The following SIM2 variants were observed in gnomAD, a reference collection of about 807,000 sequenced individuals.
The protein encoded by SIM2 is single-minded homolog 2.
SIM2 carries 28 observed loss-of-function variants against 64.8 expected under a neutral mutation model. The ratio of observed to expected loss-of-function variants is 0.43; its 90% CI spans 0.32 to 0.59. The LOEUF (loss-of-function observed/expected upper bound fraction) is 0.59, where lower values mean the gene tolerates loss of function less well. Ranked by LOEUF, SIM2 falls within the 20% of genes least tolerant of loss-of-function variation. The pLI is 0.07. For synonymous variants in SIM2, 408 were observed against 391.1 expected, an observed-to-expected ratio of 1.04 and a Z score of -0.51; for missense variants, 847 against 871.4, an observed-to-expected ratio of 0.97 and a Z score of 0.35.
chr21:36,739,553 C>A (rs1161145500), intron 7 of SIM2, among the ~76,000 whole-genome samples: 2 of 152,144 alleles, frequency 1.3e-5, no homozygotes, highest in Non-Finnish European at 2.9e-5. Context: ...CCCCTTTTCC[C>A]TGAATTTTCA....
intron 7 of SIM2, among the ~76,000 whole-genome samples, chr21:36,739,489 T>C (rs2089126105): frequency 1.3e-5 from 2 of 152,236 alleles, no homozygotes; most frequent in Non-Finnish European, 2.9e-5. Flanking sequence ...CTGCATAGTT[T>C]GCCATAATGT....
chr21:36,719,695 G>A, intron 3 of SIM2, 126 bp from the exon 4 acceptor site: 1 of 664,692 alleles, frequency 1.5e-6, no homozygotes, highest in Non-Finnish European at 2.8e-6. Flanking sequence ...TGGCAAAGGT[G>A]TGGGTTGTCA....
chr21:36,707,337 G>T (rs1183369394), intron 1 of SIM2, among the ~76,000 whole-genome samples: 1 of 152,196 alleles, frequency 6.6e-6, no homozygotes, highest in African/African-American at 2.4e-5. Context: ...GGAAGGACCC[G>T]CTGGTGAGAG....
intron 3 of SIM2, among the ~76,000 whole-genome samples, chr21:36,719,305 A>C (rs2088788737): frequency 6.6e-6 from 1 of 152,256 alleles, no homozygotes; most frequent in Admixed American, 6.5e-5. Flanking sequence ...GTCTGAGTTC[A>C]TGTCCTCCTC....
chr21:36,726,446 A>T lies in SIM2; in HGVS notation c.743+128A>T. 1 of 752,320 alleles carries T rather than the reference A, an allele frequency of 1.3e-6. No homozygotes were observed. The highest frequency in any genetic ancestry group is 2.1e-6 in the Non-Finnish European group (1 of 469,574). 46.6% of individuals were successfully genotyped at this position (752,320 alleles called of 1,614,324 possible). A position where few individuals can be genotyped will look rare whatever the true frequency, so the allele number is the denominator to read the frequency against. On this transcript the variant is annotated intron_variant, in intron 6 of 10. Coordinates refer to ENST00000290399, the MANE Select transcript of SIM2 (RefSeq NM_005069.6). This position sits in a 1 kb window ranked among gnomAD's most constrained non-coding sequence, Gnocchi z 4.5. ...TAAGTCATAATAGGAATGTGGATTAAGCAAAACCAATTTATGAACTGAAAG... is the reference window on the plus strand; with the variant it reads ...TAAGTCATAATAGGAATGTGGATTATGCAAAACCAATTTATGAACTGAAAG...
At chr21:36,735,753 C>T (rs563771443) in intron 7 of SIM2, among the ~76,000 whole-genome samples, 5 of 152,260 alleles carry the variant, frequency 3.3e-5, no homozygotes, top group South Asian at 2.1e-4. Flanking sequence ...TTAATATGTC[C>T]GTATCCTCAC....
Position 36,749,721 on chromosome 21 carries a change from G to A in SIM2, c.*1629G>A, listed in dbSNP as rs1001821709. 5.8e-4 allele frequency: 89 copies of A among 152,226 alleles called. No homozygotes were observed. Among genetic ancestry groups the A allele is most frequent in the African/African-American group, 2.1e-3 (86 of 41,564 alleles). 9.4% of individuals were successfully genotyped at this position (152,226 alleles called of 1,614,324 possible). A position where few individuals can be genotyped will look rare whatever the true frequency, so the allele number is the denominator to read the frequency against. ...TGTTCATGAGTCTTGTAATTAAACCGTGATTCTTGAAAGGTGTAGGTTTGA... is the reference window on the plus strand; with the variant it reads ...TGTTCATGAGTCTTGTAATTAAACCATGATTCTTGAAAGGTGTAGGTTTGA... On this transcript the variant is annotated 3_prime_UTR_variant, in exon 11 of 11. Transcript: ENST00000290399.
rs2088452317 is a variant in SIM2 at position 36,699,522 on chromosome 21, T to G, written c.-225T>G. 8.2e-6 allele frequency: 3 copies of G among 364,432 alleles called. No homozygotes were observed. The highest frequency in any genetic ancestry group is 4.9e-6 in the Non-Finnish European group (1 of 204,812). The allele number at this position is 364,432 out of a possible 1,614,324, so 22.6% of individuals were successfully genotyped here. On this transcript the variant is annotated 5_prime_UTR_variant, in exon 1 of 11. Transcript: ENST00000290399. The surrounding 1 kb of genome is among the most constrained non-coding windows in gnomAD (Gnocchi z 5.6). ...CGGTCCAGCCCGGAGGAGGCTGCGC[T>G]CCGGGCAGCGGCGGGCGGCGCCGCC...
chr21:36,725,194 T>A (rs2088874440), intron 5 of SIM2, among the ~76,000 whole-genome samples: 3 of 152,024 alleles, frequency 2.0e-5, no homozygotes, highest in South Asian at 4.2e-4. Flanking sequence ...AAAAATTTTT[T>A]AAAAAATTAG....
intron 3 of SIM2, among the ~76,000 whole-genome samples, chr21:36,715,159 C>T (rs1778114022): frequency 6.6e-6 from 1 of 152,214 alleles, no homozygotes; most frequent in Admixed American, 6.5e-5. Context: ...CAAGTGCCCT[C>T]TTTGTCGGTG....
chr21:36,737,984 C>CAAA (rs71326699), intron 7 of SIM2, among the ~76,000 whole-genome samples: 17 of 90,220 alleles, frequency 1.9e-4, no homozygotes, highest in African/African-American at 3.8e-4. Context: ...AAAAAAAAAG[C>CAAA]AAAAAAAAAG....
Position 36,699,625 on chromosome 21 carries a change from G to T in SIM2, c.-122G>T. The T allele has an allele frequency of 8.9e-7, 1 of 1,123,330 alleles. No homozygotes were observed. Among genetic ancestry groups the T allele is most frequent in the Non-Finnish European group, 1.2e-6 (1 of 825,276 alleles). The allele number at this position is 1,123,330 out of a possible 1,614,324, so 69.6% of individuals were successfully genotyped here. ...GGGAGGCCCCCCGCACCTGCCCGCG[G>T]CCCACTCCGCGGACTCACCTGGCTC... On this transcript the variant is annotated 5_prime_UTR_variant, in exon 1 of 11. Coordinates refer to ENST00000290399, the MANE Select transcript of SIM2 (RefSeq NM_005069.6). The surrounding 1 kb of genome is among the most constrained non-coding windows in gnomAD (Gnocchi z 5.6).
chr21:36,709,311 C>T, intron 2 of SIM2, 61 bp downstream of exon 2: 1 of 1,360,890 alleles, frequency 7.3e-7, no homozygotes. Flanking sequence ...CACCCCGCCA[C>T]CCCAGCCTCC....
rs776458040 is a variant in SIM2, at chr21:36,726,229, A to G, written c.654A>G (p.Pro218=). The G allele has an allele frequency of 5.6e-6, 9 of 1,613,598 alleles. No individual in the cohort carries two copies. In the African/African-American group the frequency reaches 1.2e-4, roughly 22 times the overall value. The change falls in exon 6 of 11, where the codon CCA becomes CCG. Residue 218 remains proline, a synonymous_variant. Coordinates refer to ENST00000290399, the MANE Select transcript of SIM2 (RefSeq NM_005069.6). This position sits in a 1 kb window ranked among gnomAD's most constrained non-coding sequence, Gnocchi z 4.5. The stretch of plus-strand genomic sequence containing the variant: ...TGGTGGCCGTGGGCCAGTCGCTGCC[A>G]CCCAGTGCCATCACCGAGATCAAGC... ...VGLVAVGQSL[P]PSAITEIKLY... is the part of the protein sequence containing the mutation.
At chr21:36,723,380 A>G (rs1292041790) in intron 5 of SIM2, among the ~76,000 whole-genome samples, 2 of 152,130 alleles carry the variant, frequency 1.3e-5, no homozygotes, top group Non-Finnish European at 2.9e-5. Context: ...GATTTTATTA[A>G]TACCTTGGCA....
chr21:36,702,607 C>T (rs1301725547), intron 1 of SIM2, among the ~76,000 whole-genome samples: 2 of 149,076 alleles, frequency 1.3e-5, no homozygotes, highest in African/African-American at 5.2e-5. Context: ...TTTATGCAAA[C>T]TGGTCACCCT....
intron 5 of SIM2, among the ~76,000 whole-genome samples, chr21:36,723,783 C>T (rs1427189207): frequency 1.3e-5 from 2 of 152,346 alleles, no homozygotes; most frequent in East Asian, 3.9e-4. Flanking sequence ...GACACCACCG[C>T]TTGTTCTTGT....
At chr21:36,706,665 T>G (rs543179948) in intron 1 of SIM2, among the ~76,000 whole-genome samples, 1 of 152,312 alleles carries the variant, frequency 6.6e-6, no homozygotes, top group Non-Finnish European at 1.5e-5. Context: ...TAGATTTTTA[T>G]GGGCTGAGTG....
chr21:36,699,538 C>T lies in SIM2; in HGVS notation c.-209C>T. On this transcript the variant is annotated 5_prime_UTR_variant, in exon 1 of 11. Transcript: ENST00000290399. This position sits in a 1 kb window ranked among gnomAD's most constrained non-coding sequence, Gnocchi z 5.6. The stretch of plus-strand genomic sequence containing the variant: ...AGGCTGCGCTCCGGGCAGCGGCGGG[C>T]GGCGCCGCCGGGTTGCTCGGAGCTC... 1 of 385,702 alleles carries T rather than the reference C, an allele frequency of 2.6e-6. No homozygotes were observed. The allele number at this position is 385,702 out of a possible 1,614,324, so 23.9% of individuals were successfully genotyped here.
Sources: gnomAD v4.1 joint callset for allele counts (sites outside exome capture counted in the v4.1 genomes callset) on GRCh38, gnomAD v4.1.1 for gene constraint, Gnocchi (gnomAD v3.1) non-coding constraint, MANE v1.5 for transcripts, NCBI Gene and HGNC (gene_info 2026-07-23, HGNC 2026-07-21) for gene names.